Variants in KCTD1 observed in about 807,000 individuals in gnomAD.
The protein encoded by KCTD1 is potassium channel tetramerization domain containing 1.
A neutral mutation model predicts 66.0 loss-of-function variants in KCTD1; 24 were observed. The observed-to-expected ratio is 0.36, with a 90% CI of 0.26 to 0.51. KCTD1 has a LOEUF of 0.51. KCTD1 is among the 20% of genes least tolerant of loss of function. The pLI, the probability that KCTD1 is intolerant of heterozygous loss-of-function variation, is 0.95. For missense variants in KCTD1, 943 were observed against 1,205.2 expected, an observed-to-expected ratio of 0.78 and a Z score of 3.22; for synonymous variants, 511 against 517.2, an observed-to-expected ratio of 0.99 and a Z score of 0.16.
chr18:26,526,912 T>C (rs1346584953), intron 1 of KCTD1, among the ~76,000 whole-genome samples: 1 of 147,646 alleles, frequency 6.8e-6, no homozygotes, highest in Non-Finnish European at 1.5e-5. Context: ...AACCACAAAA[T>C]ATACAATGAC....
At chr18:26,526,521 G>A (rs1265619143) in intron 1 of KCTD1, among the ~76,000 whole-genome samples, 3 of 152,194 alleles carry the variant, frequency 2.0e-5, no homozygotes, top group Non-Finnish European at 4.4e-5. Flanking sequence ...ATCAAACCTG[G>A]GATTTCGTGG....
intron 1 of KCTD1, among the ~76,000 whole-genome samples, chr18:26,636,124 A>T (rs1303768512): frequency 6.6e-6 from 1 of 152,070 alleles, no homozygotes; most frequent in Non-Finnish European, 1.5e-5. Flanking sequence ...GGGTATCTAG[A>T]TAATTTGTCC....
chr18:26,528,489 C>G (rs1159345261), intron 1 of KCTD1, among the ~76,000 whole-genome samples: 1 of 152,210 alleles, frequency 6.6e-6, no homozygotes, highest in Non-Finnish European at 1.5e-5. Context: ...TAAACAGGTT[C>G]AGGTCCTCTC....
chr18:26,532,773 A>G (rs1984512824), intron 1 of KCTD1, among the ~76,000 whole-genome samples: 1 of 152,154 alleles, frequency 6.6e-6, no homozygotes, highest in Non-Finnish European at 1.5e-5. Flanking sequence ...GATGGGGAAA[A>G]AGATGACACA....
At chr18:26,590,933 A>T (rs1986586757) in intron 1 of KCTD1, among the ~76,000 whole-genome samples, 1 of 152,178 alleles carries the variant, frequency 6.6e-6, no homozygotes, top group Admixed American at 6.5e-5. Context: ...ACCCCAAATC[A>T]TTGCTGCTTG....
intron 1 of KCTD1, among the ~76,000 whole-genome samples, chr18:26,573,977 C>G (rs1327189194): frequency 6.6e-5 from 10 of 152,076 alleles, no homozygotes; most frequent in African/African-American, 2.4e-4. Flanking sequence ...GTCATTGTGA[C>G]AACCAAAAGA....
chr18:26,535,453 G>A (rs1018507295), intron 1 of KCTD1, among the ~76,000 whole-genome samples: 9 of 151,714 alleles, frequency 5.9e-5, no homozygotes, highest in African/African-American at 2.2e-4. Flanking sequence ...GCTCCCGGGG[G>A]CTTGACTTTG....
intron 1 of KCTD1, among the ~76,000 whole-genome samples, chr18:26,606,646 A>G (rs1382463985): frequency 6.6e-6 from 1 of 152,234 alleles, no homozygotes; most frequent in Non-Finnish European, 1.5e-5. Context: ...GGCCAAGTGC[A>G]GTGCTGCACA....
intron 1 of KCTD1, among the ~76,000 whole-genome samples, chr18:26,628,670 A>G (rs1465187097): frequency 6.6e-6 from 1 of 151,940 alleles, no homozygotes; most frequent in East Asian, 1.9e-4. Flanking sequence ...ATTAAACCTT[A>G]CTCAACTTTC....
At position 26,547,497 on chromosome 18, in the gene KCTD1, T is replaced by C; in HGVS notation, c.1040A>G (p.Tyr347Cys). The C allele has an allele frequency of 3.2e-6, 5 of 1,551,500 alleles. No homozygotes were observed. Among genetic ancestry groups the C allele is most frequent in the Non-Finnish European group, 3.5e-6 (4 of 1,146,986 alleles). Reference protein sequence around the residue: ...AMDEDGRKFVYFKSLGPYHKS... With the variant: ...AMDEDGRKFVCFKSLGPYHKS... Reference sequence around the variant, plus strand: ...GTGGTAGGGCCCGAGGGACTTGAAGTAGACGAACTTGCGACCGTCCTCGTC... The same window carrying C: ...GTGGTAGGGCCCGAGGGACTTGAAGCAGACGAACTTGCGACCGTCCTCGTC... Residue 347 changes from tyrosine (Y) to cysteine (C), a missense_variant, in exon 1 of 5, where the codon TAC becomes TGC. This residue lies in a region of KCTD1 where 66 missense variants were observed against 61.6 expected (regional missense o/e 1.07). Coordinates refer to ENST00000580059, the MANE Select transcript of KCTD1 (RefSeq NM_001142730.3).
At chr18:26,503,028 A>G (rs570691262) in intron 1 of KCTD1, among the ~76,000 whole-genome samples, 11 of 152,358 alleles carry the variant, frequency 7.2e-5, no homozygotes, top group South Asian at 4.1e-4. Context: ...CTGAAGCTCA[A>G]CATCTACTGT....
At position 26,510,066 on chromosome 18, in the gene KCTD1, T is replaced by C. The variant is rs141581922; in HGVS notation, c.1810-8816A>G. 2.4e-3 allele frequency among the ~76,000 whole-genome samples: 358 copies of C among 152,326 alleles called. 1 individual carries two copies. The highest frequency in any genetic ancestry group is 7.9e-3 in the African/African-American group (329 of 41,574). Reference sequence around the variant, plus strand: ...AAAAAGTGAAATTTGACAAGCCAGATGGACAGACAGACAAGCCTTCTATGG... The same window carrying C: ...AAAAAGTGAAATTTGACAAGCCAGACGGACAGACAGACAAGCCTTCTATGG... On this transcript the variant is annotated intron_variant, in intron 1 of 4. Coordinates refer to ENST00000580059, the MANE Select transcript of KCTD1 (RefSeq NM_001142730.3).
At chr18:26,617,764 T>G (rs1385502070) in intron 1 of KCTD1, among the ~76,000 whole-genome samples, 1 of 147,536 alleles carries the variant, frequency 6.8e-6, no homozygotes, top group Non-Finnish European at 1.5e-5. Flanking sequence ...AGAGATAACT[T>G]AGTTAAATGT....
At chr18:26,611,644 C>T (rs1276242705) in intron 1 of KCTD1, among the ~76,000 whole-genome samples, 2 of 152,170 alleles carry the variant, frequency 1.3e-5, no homozygotes, top group African/African-American at 4.8e-5. Context: ...AGCCACCATG[C>T]CTGGCCATAA....
At chr18:26,605,678 A>C in intron 1 of KCTD1, among the ~76,000 whole-genome samples, 1 of 151,282 alleles carries the variant, frequency 6.6e-6, no homozygotes, top group Non-Finnish European at 1.5e-5. Context: ...CCACACCTAA[A>C]TCCTGTCCCC....
chr18:26,652,361 T>C (rs1988052884), intron 1 of KCTD1, among the ~76,000 whole-genome samples: 1 of 152,176 alleles, frequency 6.6e-6, no homozygotes, highest in Non-Finnish European at 1.5e-5. Context: ...GCTTATGGAA[T>C]TGCATTTGTA....
chr18:26,619,507 C>T (rs1248175498), intron 1 of KCTD1, among the ~76,000 whole-genome samples: 1 of 152,084 alleles, frequency 6.6e-6, no homozygotes, highest in Non-Finnish European at 1.5e-5. Flanking sequence ...TCAGAATAGC[C>T]ATTTCTCTTT....
chr18:26,545,515 C>T (rs1489948792), intron 1 of KCTD1: 1 of 152,092 alleles, frequency 6.6e-6, no homozygotes, highest in Middle Eastern at 3.2e-3. Context: ...GTCAGTGTGT[C>T]CAGAACTGGA....
At position 26,471,798 on chromosome 18, in the gene KCTD1, T is replaced by A. The variant is rs59796131; in HGVS notation, c.2133+4717A>T. Among the ~76,000 whole-genome samples the A allele has an allele frequency of 6.2e-3, 945 of 152,282 alleles. 5 individuals carry two copies. Among genetic ancestry groups the A allele is most frequent in the African/African-American group, 0.022 (904 of 41,552 alleles). Reference sequence around the variant, plus strand: ...TGTCAAAATTAAAAGTTGAATTTTTTAAAAGTGTCTCATAGTTTCAATGCA... The same window carrying A: ...TGTCAAAATTAAAAGTTGAATTTTTAAAAAGTGTCTCATAGTTTCAATGCA... On this transcript the variant is annotated intron_variant, in intron 3 of 4. Transcript: ENST00000580059.
Sources: gnomAD v4.1 joint callset for allele counts (sites outside exome capture counted in the v4.1 genomes callset) on GRCh38, gnomAD v4.1.1 for gene constraint, gnomAD v4.1.1 regional missense constraint, MANE v1.5 for transcripts, NCBI Gene and HGNC (gene_info 2026-07-23, HGNC 2026-07-21) for gene names.